The following TBC1D25 variants were observed in gnomAD, a reference collection of about 807,000 sequenced individuals.
TBC1D25 encodes the protein 5SN3 snoRNA.
In TBC1D25, 13 loss-of-function variants were observed where a neutral mutation model predicts 38.8. The ratio of observed to expected loss-of-function variants is 0.34; its 90% confidence interval spans 0.22 to 0.53. The LOEUF is 0.53. Among genes scored for constraint, TBC1D25 ranks in the 20% least tolerant of loss-of-function variants. The pLI, the probability that TBC1D25 is intolerant of heterozygous loss-of-function variation, is 0.94. For synonymous variants in TBC1D25, 225 were observed against 255.6 expected (o/e 0.88, Z 1.14); for missense variants, 372 against 600.0 (o/e 0.62, Z 3.97).
At position 48,539,740 on chromosome X, in the gene TBC1D25, G is replaced by A. The variant is rs2147163890; in HGVS notation, c.-58G>A. The A allele has an allele frequency of 2.1e-6, 2 of 943,870 alleles. No individual in the cohort carries two copies. Among genetic ancestry groups the A allele is most frequent in the East Asian group, 4.2e-5 (1 of 24,005 alleles). 77.8% of individuals were successfully genotyped at this position (943,870 alleles called of 1,213,427 possible). A position where few individuals can be genotyped will look rare whatever the true frequency, so the allele number is the denominator to read the frequency against. On this transcript the variant is annotated 5_prime_UTR_variant, in exon 1 of 6. It adds an upstream start codon to the 5' untranslated region. Transcript: ENST00000376771. ...GGGCGGCGGGCGTCAGTACAGTAGA[G>A]TGTGCGCCGGGGTGGGGGGCAACGG...
At chrX:48,548,752 C>T (rs183249046) in intron 3 of TBC1D25, among the ~76,000 whole-genome samples, 1 of 112,411 alleles carries the variant, frequency 8.9e-6, no homozygotes, top group East Asian at 2.8e-4. Context: ...ACACTCCCTA[C>T]ACACACATTT....
intron 3 of TBC1D25, among the ~76,000 whole-genome samples, chrX:48,551,960 T>A (rs1031003801): frequency 9.0e-6 from 1 of 111,252 alleles, no homozygotes; most frequent in Non-Finnish European, 1.9e-5. Context: ...GTGGTTTTTT[T>A]AATCAGTATA....
chrX:48,560,404 G>A lies in TBC1D25; in HGVS notation c.1496G>A (p.Gly499Glu). 1 of 1,211,362 alleles carries A rather than the reference G, an allele frequency of 8.3e-7. No homozygotes were observed. Among genetic ancestry groups the A allele is most frequent in the African/African-American group, 1.7e-5 (1 of 57,727 alleles). Reference sequence around the variant, plus strand: ...GCCAGTCAGGGGCCTGGTGGTGGGGGGCGTCTCCTGAGACAGGCCAGCTTG... The same window carrying A: ...GCCAGTCAGGGGCCTGGTGGTGGGGAGCGTCTCCTGAGACAGGCCAGCTTG... ...ATASQGPGGGGRLLRQASLDG... is the reference protein window; with the variant it reads ...ATASQGPGGGERLLRQASLDG... Residue 499 changes from glycine (G) to glutamate (E), a missense_variant, in exon 6 of 6, where the codon GGG becomes GAG. Physicochemically the swap from Gly to Glu is moderately conservative, Grantham distance 98. Transcript: ENST00000376771.
intron 3 of TBC1D25, among the ~76,000 whole-genome samples, chrX:48,550,910 C>T (rs185686542): frequency 0.019 from 2,083 of 111,210 alleles, 43 homozygotes; most frequent in African/African-American, 0.065. Context: ...CCACCCACCT[C>T]GGCCTCCCAA....
intron 3 of TBC1D25, among the ~76,000 whole-genome samples, chrX:48,550,145 C>A (rs919351073): frequency 1.8e-5 from 2 of 110,480 alleles, no homozygotes; most frequent in East Asian, 5.7e-4. Context: ...CGCCACCATG[C>A]CTAGCTAATT....
At chrX:48,550,070 G>A (rs954950949) in intron 3 of TBC1D25, among the ~76,000 whole-genome samples, 8 of 107,309 alleles carry the variant, frequency 7.5e-5, no homozygotes, top group African/African-American at 1.4e-4. Flanking sequence ...CACTGCAGCC[G>A]CCGTCTCCTG....
intron 4 of TBC1D25, 29 bp from the exon 5 acceptor site, chrX:48,559,129 C>T: frequency 2.0e-5 from 24 of 1,205,370 alleles, no homozygotes; most frequent in Non-Finnish European, 2.6e-5. Context: ...GTCCACACAG[C>T]TGATGGTGGC....
rs190740211 is a variant in TBC1D25, at chrX:48,547,431, G to A, written c.388+2408G>A. Among the ~76,000 whole-genome samples the A allele has an allele frequency of 8.0e-3, 891 of 112,029 alleles. 4 individuals are homozygous for A. The highest frequency in any genetic ancestry group is 0.05 in the Middle Eastern group (11 of 218). ...AACCTCTGCCACTGAGTAGCCATAT[G>A]TGCTTATGTCAGTCACTTAATTCCC... On this transcript the variant is annotated intron_variant, in intron 3 of 5. Coordinates refer to ENST00000376771, the MANE Select transcript of TBC1D25 (RefSeq NM_002536.4).
intron 1 of TBC1D25, among the ~76,000 whole-genome samples, chrX:48,540,144 G>T (rs1416877976): frequency 9.0e-6 from 1 of 110,537 alleles, no homozygotes; most frequent in East Asian, 2.9e-4. Context: ...ACGAGGCGGG[G>T]GTCTATGGGA....
intron 3 of TBC1D25, among the ~76,000 whole-genome samples, chrX:48,551,925 C>T (rs1435702404): frequency 9.0e-6 from 1 of 111,147 alleles, no homozygotes; most frequent in Non-Finnish European, 1.9e-5. Context: ...TGGCCTCTGC[C>T]TGTTTTATTA....
intron 3 of TBC1D25, among the ~76,000 whole-genome samples, chrX:48,554,155 T>C (rs1339987883): frequency 1.9e-5 from 2 of 107,555 alleles, no homozygotes; most frequent in Admixed American, 2.0e-4. Context: ...CGCTCCAGCC[T>C]GGGCAACAGA....
At chrX:48,543,042 T>G (rs2061853053) in intron 2 of TBC1D25, among the ~76,000 whole-genome samples, 1 of 111,188 alleles carries the variant, frequency 9.0e-6, no homozygotes, top group Non-Finnish European at 1.9e-5. Flanking sequence ...CAATTAAACC[T>G]TATCATAGGT....
chrX:48,559,505 C>A, intron 5 of TBC1D25, 109 bp from the exon 6 acceptor site: 1 of 1,041,691 alleles, frequency 9.6e-7, no homozygotes, highest in Non-Finnish European at 1.3e-6. Flanking sequence ...GCCTAGCAGA[C>A]TTAGAAGGAA....
At chrX:48,559,374 C>G in intron 5 of TBC1D25, 28 bp downstream of exon 5, 2 of 1,189,429 alleles carry the variant, frequency 1.7e-6, no homozygotes, top group Non-Finnish European at 2.3e-6. Context: ...TCTGTTGGGT[C>G]CATCACTGCT....
rs782165755 is a variant in TBC1D25, at chrX:48,560,873, C to T, written c.1965C>T (p.His655=). The T allele has an allele frequency of 8.2e-7, 1 of 1,212,391 alleles. No individual in the cohort carries two copies. Among genetic ancestry groups the T allele is most frequent in the Non-Finnish European group, 1.1e-6 (1 of 895,667 alleles). Reference sequence around the variant, plus strand: ...TTGACCGCCTTGTGCGAAAACACCACCTGGGGCGCGTCCTGCGCCGGGCTA... The same window carrying T: ...TTGACCGCCTTGTGCGAAAACACCATCTGGGGCGCGTCCTGCGCCGGGCTA... ...MHFDRLVRKH[H]LGRVLRRARA... Residue 655 remains histidine, a synonymous_variant, in exon 6 of 6, where the codon CAC becomes CAT. Coordinates refer to ENST00000376771, the MANE Select transcript of TBC1D25 (RefSeq NM_002536.4).
At chrX:48,547,017 A>G (rs149611461) in intron 3 of TBC1D25, among the ~76,000 whole-genome samples, 4 of 112,231 alleles carry the variant, frequency 3.6e-5, no homozygotes, top group Admixed American at 1.9e-4. Context: ...TCATAATAAC[A>G]TATAACTAGC....
intron 3 of TBC1D25, among the ~76,000 whole-genome samples, chrX:48,554,180 C>CA (rs373841370): frequency 5.0e-4 from 48 of 96,456 alleles, no homozygotes; most frequent in Admixed American, 2.4e-3. Flanking sequence ...GACTCTGCCT[C>CA]AAAAAAAAAA....
chrX:48,541,348 T>G lies in TBC1D25; in HGVS notation c.139T>G (p.Leu47Val). 2.5e-6 allele frequency: 3 copies of G among 1,211,755 alleles called. No individual in the cohort carries two copies. Among genetic ancestry groups the G allele is most frequent in the Non-Finnish European group, 3.4e-6 (3 of 895,494 alleles). Residue 47 changes from leucine (L) to valine (V), a missense_variant, in exon 2 of 6, where the codon TTG (leucine) becomes GTG (valine). Leu to Val is a conservative substitution (Grantham distance 32). Transcript: ENST00000376771. ...CTCTCCCCAGAAATGTGAGAGCTTCTTGCCGCCAGAGTTCCGCTCTTTTGC... is the reference window on the plus strand; with the variant it reads ...CTCTCCCCAGAAATGTGAGAGCTTCGTGCCGCCAGAGTTCCGCTCTTTTGC... The part of the protein sequence containing the change: ...RVRVKKCESF[L>V]PPEFRSFAVD...
intron 3 of TBC1D25, among the ~76,000 whole-genome samples, chrX:48,552,566 T>C (rs1266267293): frequency 9.1e-6 from 1 of 109,980 alleles, no homozygotes; most frequent in Non-Finnish European, 1.9e-5. Context: ...TTAGCCAGGA[T>C]GGTCTCGATC....
Sources: allele counts gnomAD v4.1 joint callset (sites outside exome capture counted in the v4.1 genomes callset), GRCh38; gene constraint gnomAD v4.1.1; transcripts MANE v1.5; gene names NCBI Gene and HGNC (gene_info 2026-07-23, HGNC 2026-07-21).